The following CARMIL3 variants were observed in gnomAD, a reference collection of about 807,000 sequenced individuals.
The protein encoded by CARMIL3 is capping protein, Arp2/3 and myosin-I linker protein 3.
A neutral mutation model predicts 180.8 loss-of-function variants in CARMIL3; 88 were observed. That is an observed-to-expected ratio of 0.49 (90% confidence interval 0.41 to 0.58). The LOEUF is 0.58. Among genes scored for constraint, CARMIL3 ranks in the 20% least tolerant of loss-of-function variants. CARMIL3 has a pLI of 0.00. For synonymous variants in CARMIL3, 696 were observed against 714.5 expected (o/e 0.97, Z 0.41); for missense variants, 1,548 against 1,787.0 (o/e 0.87, Z 2.41).
rs1266557613 is a variant in CARMIL3, at chr14:24,060,072, T to C, written c.1962+9T>C. The stretch of plus-strand genomic sequence containing the variant: ...AGGACGTCTGGCAGAAGGTGCAGGG[T>C]GCTGTCCTAAGCAGGGTGGCACAGC... On this transcript the variant is annotated intron_variant, in intron 23 of 39. Transcript: ENST00000342740. 1 of 1,613,894 alleles carries C rather than the reference T, an allele frequency of 6.2e-7. No homozygotes were observed. The highest frequency in any genetic ancestry group is 1.1e-5 in the South Asian group (1 of 91,088).
Position 24,068,777 on chromosome 14 carries a change from C to T in CARMIL3, c.3802-9C>T. 6.2e-7 allele frequency: 1 copy of T among 1,614,072 alleles called. No individual in the cohort carries two copies. Among genetic ancestry groups the T allele is most frequent in the Middle Eastern group, 1.6e-4 (1 of 6,062 alleles). On this transcript the variant is annotated splice_polypyrimidine_tract_variant and intron_variant, in intron 37 of 39. Coordinates refer to ENST00000342740, the MANE Select transcript of CARMIL3 (RefSeq NM_138360.4). ...ACTAACTGACCCAGCATCTTCCTTC[C>T]TCTGCCAGCTACAGGACCCCGCTCT...
chr14:24,064,086 T>G (rs547849613), intron 31 of CARMIL3, among the ~76,000 whole-genome samples, 160 bp from the exon 32 acceptor site: 83 of 122,834 alleles, frequency 6.8e-4, no homozygotes, highest in East Asian at 6.4e-3. Flanking sequence ...AGAGCAAGAC[T>G]CCGTCTCAAA....
chr14:24,062,929 T>C, intron 29 of CARMIL3, 83 bp downstream of exon 29: 1 of 1,547,906 alleles, frequency 6.5e-7, no homozygotes, highest in Non-Finnish European at 8.7e-7. Flanking sequence ...TCCACTGATC[T>C]GTACTCCCCT....
chr14:24,056,662 T>C lies in CARMIL3; in HGVS notation c.906T>C (p.Ser302=). The change falls in exon 12 of 40, where the codon TCT becomes TCC. Residue 302 remains serine, a synonymous_variant. Transcript: ENST00000342740. ...GCCAGCAGCTCCTCTGCTTCCCCTC[T>C]GGCCTCACCAAACTGTGCCTGGCCA... The part of the protein sequence containing the change: ...SLSQQLLCFP[S]GLTKLCLAKT... The C allele has an allele frequency of 6.2e-7, 1 of 1,613,814 alleles. No individual in the cohort carries two copies. The highest frequency in any genetic ancestry group is 8.5e-7 in the Non-Finnish European group (1 of 1,180,028).
At chr14:24,060,283 C>T (rs375875006) in intron 24 of CARMIL3, 28 bp downstream of exon 24, 19 of 1,609,688 alleles carry the variant, frequency 1.2e-5, no homozygotes, top group Non-Finnish European at 1.5e-5. Context: ...GGACACGGGG[C>T]ATACCCGGGG....
chr14:24,053,744 C>G lies in CARMIL3; in HGVS notation c.76C>G (p.Leu26Val). The G allele has an allele frequency of 1.9e-6, 3 of 1,613,658 alleles. No homozygotes were observed. Among genetic ancestry groups the G allele is most frequent in the Non-Finnish European group, 2.5e-6 (3 of 1,179,740 alleles). Residue 26 changes from leucine to valine, a missense_variant, in exon 2 of 40, where the codon CTC (leucine) becomes GTC (valine). Around this residue, in one of 4 missense-constraint regions of CARMIL3, gnomAD observed 578 missense variants for 666.5 expected, o/e 0.87. Transcript: ENST00000342740. ...IRRCLSQGAV[L>V]QQHHVKLETK... ...GAGGTGCCTGAGCCAAGGGGCCGTG[C>G]TCCAACAACATCATGTGAAGTTGGA...
chr14:24,064,612 G>A lies in CARMIL3; in HGVS notation c.3080+266G>A, dbSNP rs570278460. Reference sequence around the variant, plus strand: ...CAGGTGTGGATGAGAGGGAGGTGGGGGGCAGCCCTGGGACAGGATACCCAT... The same window carrying A: ...CAGGTGTGGATGAGAGGGAGGTGGGAGGCAGCCCTGGGACAGGATACCCAT... On this transcript the variant is annotated intron_variant, in intron 32 of 39. Transcript: ENST00000342740. Among the ~76,000 whole-genome samples the A allele has an allele frequency of 1.6e-4, 25 of 152,072 alleles. No homozygotes were observed. The South Asian group carries it at 3.3e-3, about 20-fold the overall frequency.
intron 36 of CARMIL3, among the ~76,000 whole-genome samples, chr14:24,067,295 G>A (rs552368341): frequency 6.6e-6 from 1 of 152,226 alleles, no homozygotes; most frequent in Non-Finnish European, 1.5e-5. Flanking sequence ...AGCACCTTCC[G>A]CTTAGGGAGC....
Position 24,061,534 on chromosome 14 carries a change from T to TA in CARMIL3, c.2343dup (p.Cys782MetfsTer47). 1 of 1,614,070 alleles carries TA rather than the reference T, an allele frequency of 6.2e-7. No homozygotes were observed. Among genetic ancestry groups the TA allele is most frequent in the Non-Finnish European group, 8.5e-7 (1 of 1,179,980 alleles). On this transcript the variant is annotated frameshift_variant, in exon 27 of 40. Transcript: ENST00000342740. LOFTEE classifies it high-confidence loss of function. This position sits in a 1 kb window ranked among gnomAD's most constrained non-coding sequence, Gnocchi z 4.1. ...TCCATGGTCAGCCTGACACAGGAGT[T>TA]ATGCCCTGTGGCCATGCGGGTGGCC...
At position 24,054,554 on chromosome 14, in the gene CARMIL3, G is replaced by A. The variant is rs750945753; in HGVS notation, c.362+43G>A. ...GGTCTCTTAAGGCATTAGATGAGAG[G>A]GAGAGTTCATCCCTTCCTCCTTCCC... On this transcript the variant is annotated intron_variant, in intron 5 of 39. Transcript: ENST00000342740. The surrounding 1 kb of genome is among the most constrained non-coding windows in gnomAD (Gnocchi z 5.1). The A allele has an allele frequency of 3.8e-6, 6 of 1,582,114 alleles. No individual in the cohort carries two copies. Among genetic ancestry groups the A allele is most frequent in the Non-Finnish European group, 8.7e-7 (1 of 1,153,934 alleles).
chr14:24,058,569 C>T lies in CARMIL3; in HGVS notation c.1393-111C>T, dbSNP rs182331482. 541 of 845,434 alleles carry T rather than the reference C, an allele frequency of 6.4e-4. 3 individuals carry two copies. The African/African-American group carries it at 8.2e-3, about 13-fold the overall frequency. The allele number at this position is 845,434 out of a possible 1,614,324, so 52.4% of individuals were successfully genotyped here. ...GGAAAGAGTCTCCCTGATTTTACAC[C>T]CAGATCCTGGCATGACTTTGAGTTC... is the stretch of plus-strand genomic sequence containing the variant. On this transcript the variant is annotated intron_variant, in intron 17 of 39. Coordinates refer to ENST00000342740, the MANE Select transcript of CARMIL3 (RefSeq NM_138360.4). This position sits in a 1 kb window ranked among gnomAD's most constrained non-coding sequence, Gnocchi z 6.4.
chr14:24,061,796 T>G lies in CARMIL3; in HGVS notation c.2480+124T>G. The G allele has an allele frequency of 9.1e-7, 1 of 1,103,542 alleles. No individual in the cohort carries two copies. Among genetic ancestry groups the G allele is most frequent in the Non-Finnish European group, 1.3e-6 (1 of 787,074 alleles). 68.4% of individuals were successfully genotyped at this position (1,103,542 alleles called of 1,614,324 possible). On this transcript the variant is annotated intron_variant, in intron 27 of 39. Coordinates refer to ENST00000342740, the MANE Select transcript of CARMIL3 (RefSeq NM_138360.4). This position sits in a 1 kb window ranked among gnomAD's most constrained non-coding sequence, Gnocchi z 4.1. Reference sequence around the variant, plus strand: ...ACAATCTCCATTACAAGGATCAATCTTTAACCAAGTGCAACCTTGCTATTT... The same window carrying G: ...ACAATCTCCATTACAAGGATCAATCGTTAACCAAGTGCAACCTTGCTATTT...
At chr14:24,056,583 C>G in intron 11 of CARMIL3, 39 bp from the exon 12 acceptor site, 1 of 1,602,018 alleles carries the variant, frequency 6.2e-7, no homozygotes, top group Non-Finnish European at 8.6e-7. Flanking sequence ...ACCCACTGCC[C>G]TGCCCCTCAC....
intron 30 of CARMIL3, 55 bp from the exon 31 acceptor site, chr14:24,063,270 A>G (rs958067308): frequency 1.3e-5 from 20 of 1,590,858 alleles, no homozygotes; most frequent in African/African-American, 6.7e-5. Flanking sequence ...CTGTCTCCCC[A>G]TCCTGCTTTC....
intron 32 of CARMIL3, 73 bp from the exon 33 acceptor site, chr14:24,064,885 A>G: frequency 6.7e-7 from 1 of 1,482,744 alleles, no homozygotes; most frequent in Non-Finnish European, 9.2e-7. Context: ...AGATGAGAGG[A>G]AAGCAGGTTT....
At chr14:24,068,447 A>C (rs756178941) in intron 36 of CARMIL3, 137 bp from the exon 37 acceptor site, 9 of 627,556 alleles carry the variant, frequency 1.4e-5, no homozygotes, top group Admixed American at 2.9e-5. Flanking sequence ...AAGGCACATG[A>C]AAGGCAGAGA....
At chr14:24,065,947 T>G (rs1025758975) in intron 34 of CARMIL3, among the ~76,000 whole-genome samples, 197 bp downstream of exon 34, 3 of 152,188 alleles carry the variant, frequency 2.0e-5, no homozygotes, top group Non-Finnish European at 1.5e-5. Context: ...CTGAAACCTC[T>G]CCTTCTTTAC....
At chr14:24,067,164 T>C (rs546614463) in intron 36 of CARMIL3, among the ~76,000 whole-genome samples, 32 of 152,308 alleles carry the variant, frequency 2.1e-4, no homozygotes, top group Admixed American at 7.2e-4. Context: ...AAACCTGCAG[T>C]ATTAGTCCTT....
chr14:24,065,188 C>T lies in CARMIL3; in HGVS notation c.3311C>T (p.Ser1104Phe), dbSNP rs749972716. 6.6e-7 allele frequency: 1 copy of T among 1,523,318 alleles called. No homozygotes were observed. The allele number at this position is 1,523,318 out of a possible 1,614,324, so 94.4% of individuals were successfully genotyped here. ...GACCCCCCAAGCCTCGGCAATAACT[C>T]CTCTCCCTGCTGGAGCCCAGAGGAG... ...SPDPPSLGNN[S>F]SPCWSPEEES... Residue 1104 changes from serine (S) to phenylalanine (F), a missense_variant, in exon 33 of 40, where the codon TCC becomes TTC. Physicochemically the swap from Ser to Phe is radical, Grantham distance 155. Around this residue, in one of 4 missense-constraint regions of CARMIL3, gnomAD observed 668 missense variants for 687.8 expected, o/e 0.97. Transcript: ENST00000342740.
Sources: gnomAD v4.1 joint callset for allele counts (sites outside exome capture counted in the v4.1 genomes callset) on GRCh38, gnomAD v4.1.1 for gene constraint, gnomAD v4.1.1 regional missense constraint, Gnocchi (gnomAD v3.1) non-coding constraint, MANE v1.5 for transcripts, NCBI Gene and HGNC (gene_info 2026-07-23, HGNC 2026-07-21) for gene names.